Variants in PLBD2 observed in about 807,000 individuals in gnomAD.
The protein encoded by PLBD2 is putative aminopeptidase PLBD2.
PLBD2 carries 51 observed loss-of-function variants against 68.3 expected under a neutral mutation model. The ratio of observed to expected loss-of-function variants is 0.75; its 90% CI spans 0.60 to 0.94. The LOEUF (loss-of-function observed/expected upper bound fraction) is 0.94, where lower values mean the gene tolerates loss of function less well. PLBD2 is among the 40% of genes least tolerant of loss of function. The pLI is 0.00. For synonymous variants in PLBD2, 314 were observed against 339.3 expected (o/e 0.93, Z 0.82); for missense variants, 729 against 792.2 (o/e 0.92, Z 0.96).
At chr12:113,375,320 A>AT (rs149451865) in intron 5 of PLBD2, among the ~76,000 whole-genome samples, 3,870 of 151,562 alleles carry the variant, frequency 0.026, 151 homozygotes, top group East Asian at 0.12. Context: ...TAATTTGTTT[A>AT]TTTTTTTATT....
chr12:113,383,870 G>A (rs749702627), intron 6 of PLBD2, among the ~76,000 whole-genome samples: 21 of 151,592 alleles, frequency 1.4e-4, no homozygotes, highest in African/African-American at 3.6e-4. Context: ...GTGGGGGCAC[G>A]TGCCTGTAAT....
intron 11 of PLBD2, 141 bp from the exon 12 acceptor site, chr12:113,388,318 G>T (rs1957574018): frequency 2.5e-6 from 2 of 813,662 alleles, no homozygotes; most frequent in East Asian, 5.8e-5. Flanking sequence ...CTCCAACCTG[G>T]GTGACAGAGC....
At chr12:113,359,098 C>T (rs1033112315) in intron 1 of PLBD2, among the ~76,000 whole-genome samples, 1 of 152,252 alleles carries the variant, frequency 6.6e-6, no homozygotes, top group Non-Finnish European at 1.5e-5. Flanking sequence ...CTCATGGGGC[C>T]AGTCCCTTGC....
intron 1 of PLBD2, among the ~76,000 whole-genome samples, chr12:113,365,577 T>G (rs1957335662): frequency 6.6e-6 from 1 of 151,972 alleles, no homozygotes; most frequent in Non-Finnish European, 1.5e-5. Flanking sequence ...CTTCCCAAAG[T>G]GCTGGGATTA....
At chr12:113,369,995 G>A (rs955614260) in intron 2 of PLBD2, among the ~76,000 whole-genome samples, 1 of 151,802 alleles carries the variant, frequency 6.6e-6, no homozygotes, top group Admixed American at 6.6e-5. Flanking sequence ...TGCTTCCCAG[G>A]TTCAAGTGAT....
At position 113,366,906 on chromosome 12, in the gene PLBD2, C is replaced by T. The variant is rs559517487; in HGVS notation, c.291-2210C>T. Among the ~76,000 whole-genome samples the T allele has an allele frequency of 2.0e-5, 3 of 152,042 alleles. No individual in the cohort carries two copies. In the South Asian group the frequency reaches 6.2e-4, roughly 32 times the overall value. On this transcript the variant is annotated intron_variant, in intron 1 of 11. Coordinates refer to ENST00000280800, the MANE Select transcript of PLBD2 (RefSeq NM_173542.4). ...GTGCCATTTTGCTCACTGCAACCTC[C>T]GCCTCCCAGTTCAAGCGATTCTCCT... is the stretch of plus-strand genomic sequence containing the variant.
intron 9 of PLBD2, among the ~76,000 whole-genome samples, chr12:113,386,690 T>C (rs1480931916): frequency 6.6e-6 from 1 of 152,170 alleles, no homozygotes; most frequent in African/African-American, 2.4e-5. Flanking sequence ...GGCTAATTTT[T>C]GTATTTTTAG....
chr12:113,369,693 G>A (rs143020332), intron 2 of PLBD2, among the ~76,000 whole-genome samples: 109 of 152,238 alleles, frequency 7.2e-4, no homozygotes, highest in African/African-American at 2.5e-3. Flanking sequence ...GGCACATACT[G>A]TATGATTCTG....
At chr12:113,385,091 A>G in intron 8 of PLBD2, 121 bp from the exon 9 acceptor site, 4 of 1,323,276 alleles carry the variant, frequency 3.0e-6, no homozygotes, top group Non-Finnish European at 4.2e-6. Context: ...GTGGGGGCTG[A>G]AGTTCAGGAC....
At chr12:113,382,830 G>GT (rs1179441269) in intron 6 of PLBD2, among the ~76,000 whole-genome samples, 13 of 126,356 alleles carry the variant, frequency 1.0e-4, no homozygotes, top group African/African-American at 3.7e-4. Context: ...GGTGGTGGTG[G>GT]TTTTTTGTGT....
Position 113,387,812 on chromosome 12 carries a change from A to C in PLBD2, c.1508A>C (p.Asn503Thr). The change falls in exon 11 of 12, where the codon AAT becomes ACT. Residue 503 changes from asparagine (N) to threonine (T), a missense_variant. By Grantham distance (65) the Asn-to-Thr change is moderately conservative. Transcript: ENST00000280800. Reference sequence around the variant, plus strand: ...TGCAACCCCCAGCCCAATGGGGAGAATGCTATCTCCGCCCGCTCCGACCTC... The same window carrying C: ...TGCAACCCCCAGCCCAATGGGGAGACTGCTATCTCCGCCCGCTCCGACCTC... ...KACNPQPNGE[N>T]AISARSDLNP... is the part of the protein sequence containing the mutation. 6.2e-7 allele frequency: 1 copy of C among 1,613,938 alleles called. No individual in the cohort carries two copies. The highest frequency in any genetic ancestry group is 1.1e-5 in the South Asian group (1 of 91,082).
At chr12:113,362,587 T>C (rs1318147984) in intron 1 of PLBD2, among the ~76,000 whole-genome samples, 2 of 150,720 alleles carry the variant, frequency 1.3e-5, no homozygotes, top group South Asian at 2.1e-4. Context: ...GGCCCATAGA[T>C]TTTCCAGGAA....
At chr12:113,360,271 C>T (rs1957279343) in intron 1 of PLBD2, among the ~76,000 whole-genome samples, 1 of 152,118 alleles carries the variant, frequency 6.6e-6, no homozygotes, top group Admixed American at 6.5e-5. Flanking sequence ...TTGTGGCTGG[C>T]CTCGGGGGCT....
intron 1 of PLBD2, among the ~76,000 whole-genome samples, chr12:113,364,476 T>G (rs1418526582): frequency 6.6e-6 from 1 of 151,942 alleles, no homozygotes; most frequent in Non-Finnish European, 1.5e-5. Flanking sequence ...GATTCTTTTT[T>G]TTTTTTTAAT....
chr12:113,360,906 T>C (rs996116032), intron 1 of PLBD2, among the ~76,000 whole-genome samples: 4 of 152,206 alleles, frequency 2.6e-5, no homozygotes, highest in Non-Finnish European at 4.4e-5. Context: ...TCTGCCCATC[T>C]TGGACTTTCT....
intron 1 of PLBD2, among the ~76,000 whole-genome samples, chr12:113,362,399 C>T (rs569098006): frequency 1.6e-4 from 25 of 151,922 alleles, no homozygotes; most frequent in African/African-American, 5.8e-4. Flanking sequence ...TAATGGAGAG[C>T]ATCCAAGGCC....
At chr12:113,386,385 G>C (rs1299137322) in intron 9 of PLBD2, among the ~76,000 whole-genome samples, 3 of 130,080 alleles carry the variant, frequency 2.3e-5, no homozygotes, top group African/African-American at 3.3e-5. Flanking sequence ...ACGGAGTCTC[G>C]CTGTGTCGCC....
chr12:113,369,836 A>G (rs1451003689), intron 2 of PLBD2, among the ~76,000 whole-genome samples: 1 of 151,402 alleles, frequency 6.6e-6, no homozygotes, highest in Non-Finnish European at 1.5e-5. Flanking sequence ...GATGATGAAA[A>G]TGTTCTGGAG....
intron 5 of PLBD2, among the ~76,000 whole-genome samples, chr12:113,379,192 C>G (rs1316064854): frequency 4.0e-5 from 6 of 150,642 alleles, no homozygotes; most frequent in Non-Finnish European, 7.4e-5. Context: ...CCTGTAATTG[C>G]AGTTACTCGG....
Sources: gnomAD v4.1 joint callset for allele counts (sites outside exome capture counted in the v4.1 genomes callset) on GRCh38, gnomAD v4.1.1 for gene constraint, MANE v1.5 for transcripts, NCBI Gene and HGNC (gene_info 2026-07-23, HGNC 2026-07-21) for gene names.